SSBP2: variants seen among roughly 807,000 people sequenced by gnomAD.
SSBP2 encodes the protein single stranded DNA binding protein 2.
SSBP2 carries 17 observed loss-of-function variants against 61.8 expected under a neutral mutation model. The ratio of observed to expected loss-of-function variants is 0.28; its 90% CI spans 0.19 to 0.41. The LOEUF is 0.41. Ranked by LOEUF, SSBP2 falls within the 10% of genes least tolerant of loss-of-function variation. SSBP2 has a pLI of 1.00. For synonymous variants in SSBP2, 139 were observed against 141.3 expected, an observed-to-expected ratio of 0.98 and a Z score of 0.12; for missense variants, 310 against 458.7, an observed-to-expected ratio of 0.68 and a Z score of 2.96.
chr5:81,590,790 C>A (rs540170997), intron 4 of SSBP2, among the ~76,000 whole-genome samples: 1 of 152,136 alleles, frequency 6.6e-6, no homozygotes, highest in Non-Finnish European at 1.5e-5. Context: ...CAAAAAGCCT[C>A]GTAGCTCTAA....
intron 1 of SSBP2, among the ~76,000 whole-genome samples, chr5:81,749,638 C>T (rs2154032303): frequency 6.6e-6 from 1 of 150,798 alleles, no homozygotes; most frequent in South Asian, 2.2e-4. Flanking sequence ...TAAGTGGTTA[C>T]TGGGAATCAC....
chr5:81,428,987 A>C (rs1020859749), intron 15 of SSBP2, among the ~76,000 whole-genome samples: 1 of 148,354 alleles, frequency 6.7e-6, no homozygotes, highest in South Asian at 2.1e-4. Flanking sequence ...AAAACACTGG[A>C]GAGTTTAAAA....
intron 4 of SSBP2, among the ~76,000 whole-genome samples, chr5:81,565,786 G>A (rs1356716756): frequency 1.3e-5 from 2 of 152,076 alleles, no homozygotes; most frequent in Admixed American, 6.6e-5. Context: ...CATTTCATTG[G>A]AAATATTAGT....
intron 1 of SSBP2, among the ~76,000 whole-genome samples, chr5:81,730,807 T>G (rs1171880854): frequency 6.6e-6 from 1 of 152,196 alleles, no homozygotes; most frequent in Admixed American, 6.5e-5. Context: ...GTGATGAAAT[T>G]GAAGCAGTTT....
intron 1 of SSBP2, among the ~76,000 whole-genome samples, chr5:81,667,383 T>C (rs1426463612): frequency 6.6e-6 from 1 of 151,296 alleles, no homozygotes; most frequent in Non-Finnish European, 1.5e-5. Context: ...CAAAGAACCA[T>C]TGCTCCCACA....
intron 4 of SSBP2, among the ~76,000 whole-genome samples, chr5:81,553,332 A>G (rs1339170435): frequency 6.6e-6 from 1 of 152,194 alleles, no homozygotes; most frequent in Non-Finnish European, 1.5e-5. Flanking sequence ...AATTCTAAAA[A>G]TATAAGAATC....
At chr5:81,491,833 T>C (rs1766877349) in intron 5 of SSBP2, among the ~76,000 whole-genome samples, 2 of 152,190 alleles carry the variant, frequency 1.3e-5, no homozygotes, top group South Asian at 2.1e-4. Context: ...AAATATAAGA[T>C]TACTATGGTT....
chr5:81,434,004 C>T (rs779217971), intron 15 of SSBP2, among the ~76,000 whole-genome samples: 2 of 152,122 alleles, frequency 1.3e-5, no homozygotes, highest in Admixed American at 6.6e-5. Flanking sequence ...TGTTCACACT[C>T]GATTCTCAAC....
rs1406266189 is a variant in SSBP2 at position 81,416,293 on chromosome 5, A to T, written c.*4211T>A. On this transcript the variant is annotated 3_prime_UTR_variant, in exon 17 of 17. Transcript: ENST00000320672. Reference sequence around the variant, plus strand: ...TAAAATGCATTCCAAAATCAAAATCAAGTGGCTATGATTTGTGGCACTCCT... The same window carrying T: ...TAAAATGCATTCCAAAATCAAAATCTAGTGGCTATGATTTGTGGCACTCCT... 4 of 152,234 alleles carry T rather than the reference A, an allele frequency of 2.6e-5. No individual in the cohort carries two copies. Among genetic ancestry groups the T allele is most frequent in the Non-Finnish European group, 5.9e-5 (4 of 68,046 alleles). 9.4% of individuals were successfully genotyped at this position (152,234 alleles called of 1,614,324 possible). A position where few individuals can be genotyped will look rare whatever the true frequency, so the allele number is the denominator to read the frequency against.
chr5:81,525,289 G>A (rs1769832479), intron 4 of SSBP2, among the ~76,000 whole-genome samples: 1 of 151,780 alleles, frequency 6.6e-6, no homozygotes, highest in Non-Finnish European at 1.5e-5. Flanking sequence ...CAGGTACTAA[G>A]CCTAGTATCC....
chr5:81,495,304 T>A (rs560967773), intron 5 of SSBP2, among the ~76,000 whole-genome samples: 23 of 152,342 alleles, frequency 1.5e-4, no homozygotes, highest in African/African-American at 5.3e-4. Flanking sequence ...ATGATAAAAC[T>A]GTACATCTTA....
chr5:81,631,298 T>C (rs917997844), intron 3 of SSBP2, among the ~76,000 whole-genome samples: 4 of 152,084 alleles, frequency 2.6e-5, no homozygotes, highest in African/African-American at 7.2e-5. Context: ...CCACTCACCA[T>C]AGGACTTCTA....
At chr5:81,677,226 T>C (rs1423689061) in intron 1 of SSBP2, among the ~76,000 whole-genome samples, 1 of 152,122 alleles carries the variant, frequency 6.6e-6, no homozygotes, top group African/African-American at 2.4e-5. Flanking sequence ...GTCCAGCATA[T>C]AAGAAGCTTA....
chr5:81,489,207 T>A, intron 6 of SSBP2, 43 bp downstream of exon 6: 1 of 1,472,424 alleles, frequency 6.8e-7, no homozygotes, highest in Non-Finnish European at 9.4e-7. Flanking sequence ...ATTTTCAAGA[T>A]CTTTGATTCT....
Position 81,430,379 on chromosome 5 carries a change from A to C in SSBP2, c.958-1696T>G, listed in dbSNP as rs560413863. 5.9e-5 allele frequency among the ~76,000 whole-genome samples: 9 copies of C among 152,352 alleles called. No individual in the cohort carries two copies. In the South Asian group the frequency reaches 1.2e-3, roughly 21 times the overall value. On this transcript the variant is annotated intron_variant, in intron 15 of 16. Coordinates refer to ENST00000320672, the MANE Select transcript of SSBP2 (RefSeq NM_012446.5). ...CAGTTGGAAGCTGCATATTTCACAC[A>C]GTCAAACAAAAGAGTAAAATGAACC...
chr5:81,739,478 T>TCC (rs1299165403), intron 1 of SSBP2, among the ~76,000 whole-genome samples: 1 of 152,116 alleles, frequency 6.6e-6, no homozygotes, highest in African/African-American at 2.4e-5. Flanking sequence ...TTTTCAGGAA[T>TCC]CCCACAGAAC....
Position 81,417,015 on chromosome 5 carries a change from CCAT to C in SSBP2, c.*3486_*3488del, listed in dbSNP as rs1164751426. 1.3e-5 allele frequency: 2 copies of C among 152,170 alleles called. No individual in the cohort carries two copies. Among genetic ancestry groups the C allele is most frequent in the African/African-American group, 2.4e-5 (1 of 41,394 alleles). 9.4% of individuals were successfully genotyped at this position (152,170 alleles called of 1,614,324 possible). A position where few individuals can be genotyped will look rare whatever the true frequency, so the allele number is the denominator to read the frequency against. ...TAGCTGGGATTACAGGCAGCCACCA[CCAT>C]ACCTGGCTAATTTTTGTATTTTTAG... On this transcript the variant is annotated 3_prime_UTR_variant, in exon 17 of 17. Coordinates refer to ENST00000320672, the MANE Select transcript of SSBP2 (RefSeq NM_012446.5).
chr5:81,686,716 G>T (rs1311479498), intron 1 of SSBP2, among the ~76,000 whole-genome samples: 1 of 151,828 alleles, frequency 6.6e-6, no homozygotes, highest in Non-Finnish European at 1.5e-5. Flanking sequence ...TTAGCCGGGT[G>T]TGGTGGCATG....
intron 4 of SSBP2, among the ~76,000 whole-genome samples, chr5:81,599,232 C>T (rs1224959759): frequency 6.6e-6 from 1 of 152,130 alleles, no homozygotes; most frequent in Non-Finnish European, 1.5e-5. Context: ...AGGATGTTAA[C>T]CAATCAGAAT....
Sources: gnomAD v4.1 joint callset for allele counts (sites outside exome capture counted in the v4.1 genomes callset) on GRCh38, gnomAD v4.1.1 for gene constraint, MANE v1.5 for transcripts, NCBI Gene and HGNC (gene_info 2026-07-23, HGNC 2026-07-21) for gene names.